The following OTOGL variants were observed in gnomAD, a reference collection of about 807,000 sequenced individuals.
OTOGL encodes otogelin like, also known as otogelin-like protein.
In OTOGL, 285 loss-of-function variants were observed where a neutral mutation model predicts 318.5. The ratio of observed to expected loss-of-function variants is 0.89; its 90% CI spans 0.81 to 0.99. The LOEUF (loss-of-function observed/expected upper bound fraction) is 0.99, where lower values mean the gene tolerates loss of function less well. OTOGL is among the 50% of genes least tolerant of loss of function. The pLI is 0.00. For synonymous variants in OTOGL, 987 were observed against 936.5 expected, an observed-to-expected ratio of 1.05 and a Z score of -0.99; for missense variants, 2,899 against 2,845.6, an observed-to-expected ratio of 1.02 and a Z score of -0.43.
intron 56 of OTOGL, 144 bp from the exon 57 acceptor site, chr12:80,371,875 T>C (rs1566022975): frequency 2.3e-6 from 1 of 438,046 alleles, no homozygotes; most frequent in Non-Finnish European, 3.8e-6. Flanking sequence ...TTCTTTTTAG[T>C]AATAGTTAAA....
chr12:80,099,738 A>G (rs1192354279), intron 1 of OTOGL, 133 bp downstream of exon 1: 1 of 152,200 alleles, frequency 6.6e-6, no homozygotes, highest in Admixed American at 6.5e-5. Context: ...AACCTGCAAT[A>G]CAAGGTTGGC....
chr12:80,165,378 A>G (rs993794683), intron 1 of OTOGL, among the ~76,000 whole-genome samples: 2 of 152,290 alleles, frequency 1.3e-5, no homozygotes, highest in African/African-American at 2.4e-5. Flanking sequence ...GCAAAGTATT[A>G]TATCTGATTT....
chr12:80,293,272 T>G (rs754192237), intron 26 of OTOGL, among the ~76,000 whole-genome samples: 22 of 152,232 alleles, frequency 1.4e-4, no homozygotes, highest in Non-Finnish European at 2.5e-4. Context: ...AAAAGCTTGT[T>G]CAAAAGAGAA....
At chr12:80,213,613 T>A (rs1390129079) in intron 4 of OTOGL, among the ~76,000 whole-genome samples, 7 of 151,990 alleles carry the variant, frequency 4.6e-5, no homozygotes, top group Non-Finnish European at 1.5e-5. Flanking sequence ...TTAAAAAGAG[T>A]GTTTTGTGTA....
rs535666326 is a variant in OTOGL, at chr12:80,362,738, G to A, written c.6268-3836G>A. Among the ~76,000 whole-genome samples, 4 of 152,222 alleles carry A rather than the reference G, an allele frequency of 2.6e-5. No individual in the cohort carries two copies. The East Asian group carries it at 7.7e-4, about 29-fold the overall frequency. Reference sequence around the variant, plus strand: ...GATGGCAACCATCAAGAAAAGCTTGGAAGAATGTGATAGGTTAACAATAAT... The same window carrying A: ...GATGGCAACCATCAAGAAAAGCTTGAAAGAATGTGATAGGTTAACAATAAT... On this transcript the variant is annotated intron_variant, in intron 52 of 58. Transcript: ENST00000547103.
At chr12:80,228,474 A>C (rs1879078893) in intron 7 of OTOGL, among the ~76,000 whole-genome samples, 1 of 151,892 alleles carries the variant, frequency 6.6e-6, no homozygotes, top group African/African-American at 2.4e-5. Flanking sequence ...AACAAACAAA[A>C]AAAACCCCAA....
chr12:80,175,981 T>C (rs561309117), intron 1 of OTOGL, among the ~76,000 whole-genome samples: 4 of 152,320 alleles, frequency 2.6e-5, no homozygotes, highest in South Asian at 4.1e-4. Flanking sequence ...CAGTGACTGA[T>C]TATAAAATCT....
chr12:80,366,930 T>A (rs982268169), intron 53 of OTOGL, among the ~76,000 whole-genome samples: 1 of 151,926 alleles, frequency 6.6e-6, no homozygotes, highest in Non-Finnish European at 1.5e-5. Context: ...TTTAAAAATA[T>A]AGGCATCTAA....
At chr12:80,180,642 T>C (rs1201830266) in intron 1 of OTOGL, among the ~76,000 whole-genome samples, 1 of 152,162 alleles carries the variant, frequency 6.6e-6, no homozygotes, top group Non-Finnish European at 1.5e-5. Context: ...ATGAGGAATA[T>C]ATTACCTTCA....
At chr12:80,308,739 C>A (rs1014441158) in intron 29 of OTOGL, among the ~76,000 whole-genome samples, 1 of 152,202 alleles carries the variant, frequency 6.6e-6, no homozygotes, top group Non-Finnish European at 1.5e-5. Context: ...CCGAGGCTGG[C>A]GGATCACTCG....
At chr12:80,108,936 G>GTGTATATATATATATATATATATA (rs1555268621) in intron 1 of OTOGL, among the ~76,000 whole-genome samples, 1 of 128,228 alleles carries the variant, frequency 7.8e-6, no homozygotes, top group African/African-American at 3.2e-5. Context: ...ATATGTGTGT[G>GTGTATATATATATATATATATATA]TATATATATA....
At chr12:80,323,693 G>A (rs1429695854) in intron 34 of OTOGL, 30 bp from the exon 35 acceptor site, 3 of 1,500,972 alleles carry the variant, frequency 2.0e-6, no homozygotes, top group Non-Finnish European at 2.8e-6. Context: ...TATTAAATAT[G>A]CACACAATCT....
chr12:80,324,119 A>G (rs1887529751), intron 35 of OTOGL, among the ~76,000 whole-genome samples: 3 of 152,232 alleles, frequency 2.0e-5, no homozygotes, highest in South Asian at 4.1e-4. Flanking sequence ...ATAACCAAAC[A>G]AAAATGTAAA....
intron 1 of OTOGL, among the ~76,000 whole-genome samples, chr12:80,122,602 A>G (rs73356906): frequency 0.03 from 4,640 of 152,274 alleles, 243 homozygotes; most frequent in African/African-American, 0.1. Flanking sequence ...TGTTTATAGA[A>G]GTAAATGTCA....
At chr12:80,377,729 A>T (rs1891245250) in intron 58 of OTOGL, 119 bp from the exon 59 acceptor site, 5 of 767,822 alleles carry the variant, frequency 6.5e-6, no homozygotes, top group Middle Eastern at 3.8e-4. Flanking sequence ...AACATGCAGA[A>T]GCTTGAGGGT....
At chr12:80,348,109 G>A (rs1234565970) in intron 44 of OTOGL, among the ~76,000 whole-genome samples, 1 of 152,170 alleles carries the variant, frequency 6.6e-6, no homozygotes, top group Admixed American at 6.5e-5. Flanking sequence ...TTGCTGTGCA[G>A]AAGCTGTTTA....
intron 34 of OTOGL, among the ~76,000 whole-genome samples, chr12:80,321,596 A>T (rs899621344): frequency 6.6e-5 from 10 of 151,452 alleles, no homozygotes; most frequent in African/African-American, 2.4e-4. Flanking sequence ...AAAATAAAAA[A>T]TAAAAAAAAA....
At chr12:80,157,968 A>C (rs185166791) in intron 1 of OTOGL, among the ~76,000 whole-genome samples, 83 of 152,226 alleles carry the variant, frequency 5.5e-4, no homozygotes, top group Non-Finnish European at 9.9e-4. Flanking sequence ...ATGTGAAAAA[A>C]ATTTTTAATC....
chr12:80,343,525 T>TTTG, intron 44 of OTOGL: 1 of 133,880 alleles, frequency 7.5e-6, no homozygotes, highest in Non-Finnish European at 1.6e-5. Flanking sequence ...TTTTTTTTTT[T>TTTG]TTTTTTTTTT....
Sources: gnomAD v4.1 joint callset for allele counts (sites outside exome capture counted in the v4.1 genomes callset) on GRCh38, gnomAD v4.1.1 for gene constraint, MANE v1.5 for transcripts, NCBI Gene and HGNC (gene_info 2026-07-23, HGNC 2026-07-21) for gene names.